TSPAN15: variants seen among roughly 807,000 people sequenced by gnomAD.
TSPAN15 encodes tetraspanin-15.
In TSPAN15, 20 loss-of-function variants were observed where a neutral mutation model predicts 34.5. The observed-to-expected ratio is 0.58, with a 90% CI of 0.41 to 0.84. The LOEUF is 0.84. Ranked by LOEUF, TSPAN15 falls within the 40% of genes least tolerant of loss-of-function variation. The pLI is 0.00. For synonymous variants in TSPAN15, 155 were observed against 153.9 expected (o/e 1.01, Z -0.05); for missense variants, 313 against 386.1 (o/e 0.81, Z 1.59).
downstream of TSPAN15, among the ~76,000 whole-genome samples, chr10:69,509,537 T>C (rs900570111): frequency 3.9e-5 from 6 of 152,158 alleles, no homozygotes; most frequent in Non-Finnish European, 8.8e-5. Context: ...GTAGGTTGCC[T>C]GTTCACTCTG....
At chr10:69,524,041 A>T in the TSPAN15 span, among the ~76,000 whole-genome samples, 2 of 148,426 alleles carry the variant, frequency 1.3e-5, 1 homozygote, top group African/African-American at 4.9e-5. Flanking sequence ...TCTCTGTTTT[A>T]TGATGTTTCA....
At chr10:69,508,281 A>G (rs909801463), downstream of TSPAN15, among the ~76,000 whole-genome samples, 1 of 151,364 alleles carries the variant, frequency 6.6e-6, no homozygotes, top group Non-Finnish European at 1.5e-5. Flanking sequence ...TCTCTACTAA[A>G]AATACAAAAA....
the TSPAN15 span, among the ~76,000 whole-genome samples, chr10:69,521,972 T>C: frequency 6.8e-6 from 1 of 147,844 alleles, no homozygotes; most frequent in South Asian, 2.1e-4. Flanking sequence ...TGTGAAGTGG[T>C]ATGTCCTAGT....
At position 69,507,628 on chromosome 10, in the gene TSPAN15, TGTTA is replaced by T; in HGVS notation, c.*651_*654del. The T allele has an allele frequency of 3.1e-6, 4 of 1,289,172 alleles. No homozygotes were observed. The highest frequency in any genetic ancestry group is 4.1e-6 in the Non-Finnish European group (4 of 985,342). The allele number at this position is 1,289,172 out of a possible 1,614,324, so 79.9% of individuals were successfully genotyped here. A position where few individuals can be genotyped will look rare whatever the true frequency, so the allele number is the denominator to read the frequency against. ...ATTCTTGCCCTTCCCCCAACCAGTT[TGTTA>T]ATCAAACAATAAAAACATGTTTTTT... is the stretch of plus-strand genomic sequence containing the variant. On this transcript the variant is annotated 3_prime_UTR_variant, in exon 8 of 8. Coordinates refer to ENST00000373290, the MANE Select transcript of TSPAN15 (RefSeq NM_012339.5).
the TSPAN15 span, among the ~76,000 whole-genome samples, chr10:69,522,364 A>G: frequency 8.5e-6 from 1 of 117,330 alleles, no homozygotes; most frequent in African/African-American, 3.3e-5. Context: ...CAACAGAGCA[A>G]GACCTTGTCT....
intron 2 of TSPAN15, among the ~76,000 whole-genome samples, chr10:69,484,686 C>T (rs780072475): frequency 3.9e-5 from 6 of 152,138 alleles, no homozygotes; most frequent in Non-Finnish European, 8.8e-5. Context: ...GGTGCATATC[C>T]TCTAAGCTTC....
intron 1 of TSPAN15, among the ~76,000 whole-genome samples, chr10:69,460,541 C>G (rs77210327): frequency 0.011 from 1,696 of 151,828 alleles, 25 homozygotes; most frequent in African/African-American, 0.033. Context: ...GGGCCCAGTC[C>G]CTGGAAAAGA....
At chr10:69,492,800 G>C (rs1841995774) in intron 3 of TSPAN15, among the ~76,000 whole-genome samples, 1 of 152,176 alleles carries the variant, frequency 6.6e-6, no homozygotes, top group Non-Finnish European at 1.5e-5. Flanking sequence ...CCTGTTGGCA[G>C]CCCTGGGAGA....
intron 5 of TSPAN15, among the ~76,000 whole-genome samples, chr10:69,502,485 G>A (rs1330239907): frequency 6.6e-6 from 1 of 152,174 alleles, no homozygotes; most frequent in African/African-American, 2.4e-5. Context: ...CACAAACATT[G>A]CTGTGATCTT....
chr10:69,501,915 G>A (rs1307339418), intron 5 of TSPAN15, among the ~76,000 whole-genome samples: 1 of 152,118 alleles, frequency 6.6e-6, no homozygotes, highest in Middle Eastern at 3.2e-3. Context: ...CTCCTTATGA[G>A]AATCAAACTA....
the TSPAN15 span, among the ~76,000 whole-genome samples, chr10:69,523,132 G>A: frequency 2.0e-5 from 3 of 147,872 alleles, 1 homozygote; most frequent in African/African-American, 7.4e-5. Flanking sequence ...ATTGTTCTTT[G>A]CATGTGGATA....
chr10:69,544,530 A>G, the TSPAN15 span, among the ~76,000 whole-genome samples: 77 of 152,324 alleles, frequency 5.1e-4, no homozygotes, highest in African/African-American at 1.7e-3. Context: ...AGGCAAGGCT[A>G]TGCCTCCAGG....
downstream of TSPAN15, among the ~76,000 whole-genome samples, chr10:69,509,821 C>T (rs1055336403): frequency 3.9e-5 from 6 of 152,350 alleles, no homozygotes; most frequent in African/African-American, 1.2e-4. Context: ...GTTTTCACTA[C>T]ACCATTTATT....
intron 3 of TSPAN15, among the ~76,000 whole-genome samples, chr10:69,492,254 G>A (rs778341289): frequency 6.6e-6 from 1 of 152,052 alleles, no homozygotes; most frequent in Non-Finnish European, 1.5e-5. Flanking sequence ...TGGCTCCCCT[G>A]GTCTCTCGGA....
chr10:69,527,950 C>G, the TSPAN15 span, among the ~76,000 whole-genome samples: 1 of 147,988 alleles, frequency 6.8e-6, no homozygotes, highest in African/African-American at 2.4e-5. Flanking sequence ...TACTAAAAAC[C>G]ATTGTGTTGG....
downstream of TSPAN15, among the ~76,000 whole-genome samples, chr10:69,512,130 T>G (rs1440296643): frequency 6.6e-6 from 1 of 152,210 alleles, no homozygotes; most frequent in Non-Finnish European, 1.5e-5. Context: ...GGAGAGGGCT[T>G]TGTCCATCCT....
At chr10:69,540,352 AC>A in the TSPAN15 span, among the ~76,000 whole-genome samples, 1 of 152,230 alleles carries the variant, frequency 6.6e-6, no homozygotes, top group Non-Finnish European at 1.5e-5. Context: ...CTGAGATTGC[AC>A]CACTGCAAAT....
Position 69,504,490 on chromosome 10 carries a change from T to C in TSPAN15, c.618+5T>C. The C allele has an allele frequency of 1.2e-6, 2 of 1,613,982 alleles. No homozygotes were observed. The highest frequency in any genetic ancestry group is 4.5e-5 in the East Asian group (2 of 44,882). On this transcript the variant is annotated splice_donor_5th_base_variant and intron_variant, in intron 6 of 7. Coordinates refer to ENST00000373290, the MANE Select transcript of TSPAN15 (RefSeq NM_012339.5). ...TACAAAACTATCGACAAGGAGGTAA[T>C]GTCTTTGAAATGCCTTTCCCTGGAA...
intron 3 of TSPAN15, among the ~76,000 whole-genome samples, chr10:69,485,973 G>C (rs1454906286): frequency 4.6e-5 from 7 of 152,148 alleles, no homozygotes; most frequent in Admixed American, 3.9e-4. Flanking sequence ...TGCAGAATCC[G>C]GGCCCCTTAG....
Sources: gnomAD v4.1 joint callset for allele counts (sites outside exome capture counted in the v4.1 genomes callset) on GRCh38, gnomAD v4.1.1 for gene constraint, MANE v1.5 for transcripts, NCBI Gene and HGNC (gene_info 2026-07-23, HGNC 2026-07-21) for gene names.